Variants in TMCO5A observed in about 807,000 individuals in gnomAD.
TMCO5A encodes the protein transmembrane and coiled-coil domains 5A.
In TMCO5A, 34 loss-of-function variants were observed where a neutral mutation model predicts 42.3. The observed-to-expected ratio is 0.80, with a 90% confidence interval of 0.61 to 1.07. The LOEUF is 1.07. Among genes scored for constraint, TMCO5A ranks in the 50% least tolerant of loss-of-function variants. The pLI, the probability that TMCO5A is intolerant of heterozygous loss-of-function variation, is 0.00. For missense variants in TMCO5A, 357 were observed against 327.9 expected, an observed-to-expected ratio of 1.09 and a Z score of -0.69; for synonymous variants, 131 against 115.6, an observed-to-expected ratio of 1.13 and a Z score of -0.86.
chr15:37,989,894 C>A, the TMCO5A span, among the ~76,000 whole-genome samples: 1 of 152,062 alleles, frequency 6.6e-6, no homozygotes, highest in African/African-American at 2.4e-5. Context: ...AGCATTAATC[C>A]ATTCATGAGG....
At chr15:37,986,460 T>C in the TMCO5A span, among the ~76,000 whole-genome samples, 1 of 150,076 alleles carries the variant, frequency 6.7e-6, no homozygotes, top group African/African-American at 2.4e-5. Flanking sequence ...AAAAAATACA[T>C]ACGAAATTTT....
Position 37,936,985 on chromosome 15 carries a change from G to A in TMCO5A, c.264+15G>A. The A allele has an allele frequency of 6.2e-7, 1 of 1,611,288 alleles. No homozygotes were observed. ...CAGCCAGACTTGTAAGCAAGAAGTTGGGAAGAGCCATTTAATAGGTTGCAT... is the reference window on the plus strand; with the variant it reads ...CAGCCAGACTTGTAAGCAAGAAGTTAGGAAGAGCCATTTAATAGGTTGCAT... On this transcript the variant is annotated intron_variant, in intron 4 of 11. Coordinates refer to ENST00000319669, the MANE Select transcript of TMCO5A (RefSeq NM_152453.4).
At chr15:37,963,619 G>C (rs1028089766) in intron 11 of TMCO5A, among the ~76,000 whole-genome samples, 1 of 152,038 alleles carries the variant, frequency 6.6e-6, no homozygotes, top group Non-Finnish European at 1.5e-5. Context: ...CACTTTCTGT[G>C]TGATGACCGA....
chr15:37,956,233 A>G (rs1014146387), downstream of TMCO5A, among the ~76,000 whole-genome samples: 2 of 152,192 alleles, frequency 1.3e-5, no homozygotes, highest in Admixed American at 6.5e-5. Flanking sequence ...GAAGGCAAGA[A>G]ATAACTAAGA....
At position 37,946,137 on chromosome 15, in the gene TMCO5A, T is replaced by C. The variant is rs544596299; in HGVS notation, c.628-1519T>C. Among the ~76,000 whole-genome samples the C allele has an allele frequency of 1.6e-4, 24 of 152,292 alleles. No homozygotes were observed. In the South Asian group the frequency reaches 3.1e-3, roughly 20 times the overall value. Reference sequence around the variant, plus strand: ...TATTGAATAGGGAGTCCTTTCCCCATTGTTTGTTTTTGTCAGGTTTATTGA... The same window carrying C: ...TATTGAATAGGGAGTCCTTTCCCCACTGTTTGTTTTTGTCAGGTTTATTGA... On this transcript the variant is annotated intron_variant, in intron 10 of 11. Coordinates refer to ENST00000319669, the MANE Select transcript of TMCO5A (RefSeq NM_152453.4).
At chr15:37,970,483 G>C (rs1890652714), downstream of TMCO5A, among the ~76,000 whole-genome samples, 1 of 152,142 alleles carries the variant, frequency 6.6e-6, no homozygotes, top group Admixed American at 6.5e-5. Context: ...ATATCATTCT[G>C]CCTCTGGCCC....
At chr15:37,974,811 T>C in the TMCO5A span, among the ~76,000 whole-genome samples, 2 of 152,190 alleles carry the variant, frequency 1.3e-5, no homozygotes, top group African/African-American at 4.8e-5. Flanking sequence ...TGCTCTTGTT[T>C]CTCTAGTTAC....
the TMCO5A span, among the ~76,000 whole-genome samples, chr15:37,996,739 C>G: frequency 1.3e-5 from 2 of 152,128 alleles, no homozygotes; most frequent in African/African-American, 4.8e-5. Flanking sequence ...GAAGCTGATA[C>G]TAATAACAAT....
the TMCO5A span, among the ~76,000 whole-genome samples, chr15:37,993,045 AT>A: frequency 3.9e-5 from 6 of 152,098 alleles, no homozygotes; most frequent in East Asian, 1.9e-4. Context: ...CAGTTATGAT[AT>A]TTTTTAGCTC....
At chr15:37,941,639 A>G in intron 7 of TMCO5A, 32 bp from the exon 8 acceptor site, 2 of 1,525,092 alleles carry the variant, frequency 1.3e-6, no homozygotes, top group Non-Finnish European at 1.8e-6. Context: ...AATTTACCGA[A>G]ATATATTTAC....
At chr15:37,941,525 C>T in intron 7 of TMCO5A, 146 bp from the exon 8 acceptor site, 2 of 696,156 alleles carry the variant, frequency 2.9e-6, no homozygotes, top group Non-Finnish European at 2.4e-6. Flanking sequence ...AAAGGAAATA[C>T]ATTTATCTGT....
chr15:38,005,609 G>T, the TMCO5A span, among the ~76,000 whole-genome samples: 1 of 151,870 alleles, frequency 6.6e-6, no homozygotes, highest in Non-Finnish European at 1.5e-5. Context: ...ATAAAAAATT[G>T]TAAAAAGGAA....
In TMCO5A at chr15:37,941,032, C is replaced by T. The variant is rs1000636648; in HGVS notation, c.388-117C>T. ...GTGGCTTAATTCCTCTATCAGGAGA[C>T]GTGTGAAGTCATGGCCCTGAGGCTC... On this transcript the variant is annotated intron_variant, in intron 6 of 11. Coordinates refer to ENST00000319669, the MANE Select transcript of TMCO5A (RefSeq NM_152453.4). 1.6e-4 allele frequency: 133 copies of T among 831,300 alleles called. 3 individuals carry two copies. In the South Asian group the frequency reaches 1.9e-3, roughly 12 times the overall value. 51.5% of individuals were successfully genotyped at this position (831,300 alleles called of 1,614,324 possible).
chr15:37,937,401 G>A lies in TMCO5A; in HGVS notation c.315+5G>A, dbSNP rs778907528. 8.1e-6 allele frequency: 13 copies of A among 1,612,872 alleles called. No homozygotes were observed. The highest frequency in any genetic ancestry group is 8.0e-5 in the African/African-American group (6 of 74,816). On this transcript the variant is annotated splice_donor_5th_base_variant and intron_variant, in intron 5 of 11. Transcript: ENST00000319669. ...ATAACAGAACTTCAACAAAAGGTGA[G>A]GTAGGGTACTTGTGTTCTCCAGTGC...
chr15:37,938,164 A>C lies in TMCO5A; in HGVS notation c.322A>C (p.Arg108=), dbSNP rs780170263. Residue 108 remains arginine, a synonymous_variant, in exon 6 of 12, where the codon AGG becomes CGG. Transcript: ENST00000319669. ...TTTTTATTTGAAACTATAGCTTACAAGGAAATCACAAAAGATAACCAATTG... is the reference window on the plus strand; with the variant it reads ...TTTTTATTTGAAACTATAGCTTACACGGAAATCACAAAAGATAACCAATTG... ...SITELQQKLT[R]KSQKITNCEQ... is the part of the protein sequence containing the mutation. The C allele has an allele frequency of 1.6e-5, 25 of 1,576,064 alleles. No homozygotes were observed. Among genetic ancestry groups the C allele is most frequent in the Non-Finnish European group, 2.1e-5 (24 of 1,159,406 alleles).
downstream of TMCO5A, among the ~76,000 whole-genome samples, chr15:37,955,398 T>A (rs1441478555): frequency 6.6e-6 from 1 of 151,862 alleles, no homozygotes. Context: ...ACTTCACTCC[T>A]GAATTCTACC....
the TMCO5A span, among the ~76,000 whole-genome samples, chr15:38,001,304 G>A: frequency 2.6e-5 from 4 of 151,878 alleles, no homozygotes; most frequent in African/African-American, 7.2e-5. Flanking sequence ...TATTTTGTAT[G>A]ATATAAATAT....
At chr15:38,011,614 T>C in the TMCO5A span, among the ~76,000 whole-genome samples, 1 of 152,172 alleles carries the variant, frequency 6.6e-6, no homozygotes, top group Admixed American at 6.5e-5. Context: ...TTTTGAATAC[T>C]AACCTAATCT....
chr15:37,994,338 G>A, the TMCO5A span, among the ~76,000 whole-genome samples: 1 of 152,150 alleles, frequency 6.6e-6, no homozygotes, highest in African/African-American at 2.4e-5. Context: ...AACTAGAGGA[G>A]GAGAAGCATG....
Sources: gnomAD v4.1 joint callset for allele counts (sites outside exome capture counted in the v4.1 genomes callset) on GRCh38, gnomAD v4.1.1 for gene constraint, MANE v1.5 for transcripts, NCBI Gene and HGNC (gene_info 2026-07-23, HGNC 2026-07-21) for gene names.